Variants in CHST11 observed in about 807,000 individuals in gnomAD.
CHST11 encodes C4S-1.
A neutral mutation model predicts 30.4 loss-of-function variants in CHST11; 9 were observed. That is an observed-to-expected ratio of 0.30 (90% CI 0.18 to 0.52). The LOEUF (loss-of-function observed/expected upper bound fraction) is 0.52, where lower values mean the gene tolerates loss of function less well. Ranked by LOEUF, CHST11 falls within the 20% of genes least tolerant of loss-of-function variation. The probability of loss-of-function intolerance (pLI) is 0.97; values close to 1 mark genes in which losing one functional copy is unlikely to be tolerated. For missense variants in CHST11, 348 were observed against 460.6 expected (o/e 0.76, Z 2.24); for synonymous variants, 152 against 187.8 (o/e 0.81, Z 1.56).
At chr12:104,674,134 C>G (rs1423844786) in intron 2 of CHST11, among the ~76,000 whole-genome samples, 1 of 152,148 alleles carries the variant, frequency 6.6e-6, no homozygotes, top group Admixed American at 6.5e-5. Context: ...TTGCTGGCTT[C>G]TTTGGGGAGG....
chr12:104,749,627 A>G (rs544778613), intron 2 of CHST11, among the ~76,000 whole-genome samples: 2 of 152,318 alleles, frequency 1.3e-5, no homozygotes, highest in East Asian at 3.9e-4. Flanking sequence ...GTTTTTCTTC[A>G]TTAATGAGTG....
chr12:104,690,074 A>G (rs534474903), intron 2 of CHST11, among the ~76,000 whole-genome samples: 26 of 152,240 alleles, frequency 1.7e-4, no homozygotes, highest in Non-Finnish European at 3.2e-4. Flanking sequence ...CACTCTTGTG[A>G]CGAAGGTGAA....
In CHST11 at chr12:104,701,164, A is replaced by AT. The variant is rs1271351417; in HGVS notation, c.205-55785_205-55784insT. ...TCCATCTGACACAGATGAGGCTCAG[A>AT]GGGGTTGAGTAACCGGGCCAAAGTT... On this transcript the variant is annotated intron_variant, in intron 2 of 2. Coordinates refer to ENST00000303694, the MANE Select transcript of CHST11 (RefSeq NM_018413.6). Among the ~76,000 whole-genome samples, 32 of 152,276 alleles carry AT rather than the reference A, an allele frequency of 2.1e-4. 2 individuals carry two copies. Among genetic ancestry groups the AT allele is most frequent in the Admixed American group, 9.8e-4 (15 of 15,300 alleles).
intron 2 of CHST11, among the ~76,000 whole-genome samples, chr12:104,678,490 T>G (rs956003429): frequency 2.6e-5 from 4 of 152,272 alleles, no homozygotes; most frequent in Admixed American, 2.6e-4. Context: ...TTGCATGATT[T>G]AATTCATTTA....
intron 2 of CHST11, among the ~76,000 whole-genome samples, chr12:104,667,899 A>G (rs1178428980): frequency 1.3e-5 from 2 of 152,208 alleles, no homozygotes; most frequent in African/African-American, 4.8e-5. Flanking sequence ...GTATGCACCC[A>G]TGAGTTCATG....
intron 2 of CHST11, among the ~76,000 whole-genome samples, chr12:104,732,251 G>A (rs998887875): frequency 5.3e-5 from 8 of 152,136 alleles, no homozygotes; most frequent in Non-Finnish European, 7.3e-5. Flanking sequence ...CCTTCTGTTC[G>A]CCTATGTGCC....
At chr12:104,752,412 G>A (rs2040439798) in intron 2 of CHST11, among the ~76,000 whole-genome samples, 1 of 152,146 alleles carries the variant, frequency 6.6e-6, no homozygotes, top group African/African-American at 2.4e-5. Context: ...GAGGTTCTGG[G>A]TGGACATGAA....
intron 1 of CHST11, among the ~76,000 whole-genome samples, chr12:104,488,436 C>CATTT (rs2037706694): frequency 7.0e-6 from 1 of 143,600 alleles, no homozygotes; most frequent in East Asian, 2.0e-4. Flanking sequence ...TATGTGTATG[C>CATTT]ATGTATGTAT....
At position 104,494,607 on chromosome 12, in the gene CHST11, A is replaced by T. The variant is rs556790985; in HGVS notation, c.118+37078A>T. Among the ~76,000 whole-genome samples, 122 of 152,280 alleles carry T rather than the reference A, an allele frequency of 8.0e-4. 2 individuals are homozygous for T. The highest frequency in any genetic ancestry group is 7.9e-3 in the Admixed American group (121 of 15,294). On this transcript the variant is annotated intron_variant, in intron 1 of 2. Transcript: ENST00000303694. ...TCTTGCTAGCAGCTGACTGCCGAGG[A>T]TGGGTTCCAGCGCTTCTCAGAACAA...
intron 2 of CHST11, among the ~76,000 whole-genome samples, chr12:104,751,790 G>C (rs527372144): frequency 6.6e-6 from 1 of 152,344 alleles, no homozygotes; most frequent in African/African-American, 2.4e-5. Flanking sequence ...TTTGCAAATA[G>C]AGGAACTGAG....
At chr12:104,522,205 A>G (rs1183493502) in intron 1 of CHST11, among the ~76,000 whole-genome samples, 1 of 152,206 alleles carries the variant, frequency 6.6e-6, no homozygotes, top group African/African-American at 2.4e-5. Context: ...TTAGGAGCAC[A>G]GAGCGAACTT....
intron 2 of CHST11, among the ~76,000 whole-genome samples, chr12:104,672,034 G>C (rs928311586): frequency 1.3e-5 from 2 of 152,188 alleles, no homozygotes; most frequent in Non-Finnish European, 2.9e-5. Flanking sequence ...ACCCATTAAG[G>C]AATATTGTAA....
At chr12:104,620,765 T>C (rs759616298) in intron 2 of CHST11, among the ~76,000 whole-genome samples, 2 of 152,234 alleles carry the variant, frequency 1.3e-5, no homozygotes, top group Non-Finnish European at 2.9e-5. Context: ...TAGAACATTG[T>C]GACTTTCTTT....
At chr12:104,583,896 A>G (rs2038774851) in intron 1 of CHST11, among the ~76,000 whole-genome samples, 1 of 152,146 alleles carries the variant, frequency 6.6e-6, no homozygotes, top group South Asian at 2.1e-4. Flanking sequence ...TATTTTTAGT[A>G]GAGATGGGGT....
intron 1 of CHST11, among the ~76,000 whole-genome samples, chr12:104,524,178 A>AG (rs1051748156): frequency 1.3e-5 from 2 of 152,112 alleles, no homozygotes; most frequent in African/African-American, 4.8e-5. Context: ...GAGAATAGGA[A>AG]GGACACATGG....
chr12:104,658,184 A>G (rs2039564019), intron 2 of CHST11, among the ~76,000 whole-genome samples: 1 of 152,236 alleles, frequency 6.6e-6, no homozygotes, highest in African/African-American at 2.4e-5. Context: ...AATCATTGCC[A>G]TGACAAAGTA....
intron 2 of CHST11, among the ~76,000 whole-genome samples, chr12:104,633,473 C>T (rs573427830): frequency 3.9e-5 from 5 of 129,062 alleles, no homozygotes; most frequent in East Asian, 4.8e-4. Flanking sequence ...GAAGTTCAGT[C>T]GCGTGATCTC....
chr12:104,476,128 A>G (rs968311383), intron 1 of CHST11, among the ~76,000 whole-genome samples: 2 of 139,888 alleles, frequency 1.4e-5, no homozygotes, highest in Non-Finnish European at 3.1e-5. Context: ...AATATATAAT[A>G]TAATATATTA....
At chr12:104,591,158 G>C (rs550339336) in intron 1 of CHST11, among the ~76,000 whole-genome samples, 1 of 151,658 alleles carries the variant, frequency 6.6e-6, no homozygotes, top group Non-Finnish European at 1.5e-5. Flanking sequence ...AAGATGACCA[G>C]TATGGTGGAG....
Sources: gnomAD v4.1 joint callset for allele counts (sites outside exome capture counted in the v4.1 genomes callset) on GRCh38, gnomAD v4.1.1 for gene constraint, MANE v1.5 for transcripts, NCBI Gene and HGNC (gene_info 2026-07-23, HGNC 2026-07-21) for gene names.